LRFN5: variants seen among roughly 807,000 people sequenced by gnomAD.
The protein encoded by LRFN5 is leucine-rich repeat and fibronectin type-III domain-containing protein 5.
In LRFN5, 24 loss-of-function variants were observed where a neutral mutation model predicts 45.6. The observed-to-expected ratio is 0.53, with a 90% CI of 0.38 to 0.74. The LOEUF (loss-of-function observed/expected upper bound fraction) is 0.74. LRFN5 is among the 30% of genes least tolerant of loss of function. The pLI is 0.00. For missense variants in LRFN5, 776 were observed against 861.5 expected (o/e 0.90, Z 1.24); for synonymous variants, 340 against 313.8 (o/e 1.08, Z -0.88).
At chr14:41,709,547 T>C (rs1883201865) in intron 1 of LRFN5, among the ~76,000 whole-genome samples, 1 of 152,090 alleles carries the variant, frequency 6.6e-6, no homozygotes, top group Non-Finnish European at 1.5e-5. Flanking sequence ...TAGTCATATT[T>C]TAAGCCTATT....
At chr14:41,774,598 T>C (rs1272515372) in intron 2 of LRFN5, among the ~76,000 whole-genome samples, 2 of 152,288 alleles carry the variant, frequency 1.3e-5, no homozygotes, top group East Asian at 3.9e-4. Flanking sequence ...ACAAATTGTA[T>C]GGAAAAAACA....
At chr14:41,899,507 G>A (rs769422285) in intron 5 of LRFN5, among the ~76,000 whole-genome samples, 4 of 152,036 alleles carry the variant, frequency 2.6e-5, no homozygotes, top group Non-Finnish European at 5.9e-5. Context: ...TTCTTGAGTG[G>A]TTTTTTTAGG....
intron 2 of LRFN5, among the ~76,000 whole-genome samples, chr14:41,853,097 T>C (rs1889328987): frequency 6.6e-6 from 1 of 152,032 alleles, no homozygotes; most frequent in South Asian, 2.1e-4. Flanking sequence ...TTTATAAAGC[T>C]ATTATCACAG....
rs1890634885 is a variant in LRFN5 at position 41,887,882 on chromosome 14, T to C, written c.1257T>C (p.Asp419=). ...ATGGTGATACTAAATTGAGTCAAGA[T>C]AAAATTGTGGTGGCAGAAGCTACAT... ...SSNGDTKLSQ[D]KIVVAEATSS... The change falls in exon 3 of 6, where the codon GAT becomes GAC. Residue 419 remains aspartate, a synonymous_variant. Transcript: ENST00000298119. This position sits in a 1 kb window ranked among gnomAD's most constrained non-coding sequence, Gnocchi z 4.8. 1.2e-6 allele frequency: 2 copies of C among 1,614,110 alleles called. No homozygotes were observed. Among genetic ancestry groups the C allele is most frequent in the East Asian group, 4.5e-5 (2 of 44,840 alleles).
chr14:41,772,980 C>A (rs1406275712), intron 2 of LRFN5, among the ~76,000 whole-genome samples: 1 of 152,114 alleles, frequency 6.6e-6, no homozygotes, highest in East Asian at 1.9e-4. Context: ...ATTTACAATA[C>A]CCAGCGATGT....
intron 1 of LRFN5, among the ~76,000 whole-genome samples, chr14:41,753,350 C>G (rs1260573562): frequency 2.0e-5 from 3 of 152,140 alleles, no homozygotes; most frequent in Non-Finnish European, 4.4e-5. Flanking sequence ...TATAAATTAC[C>G]TTGGGCAGTA....
chr14:41,795,436 C>G (rs1887085715), intron 2 of LRFN5, among the ~76,000 whole-genome samples: 1 of 152,052 alleles, frequency 6.6e-6, no homozygotes, highest in South Asian at 2.1e-4. Flanking sequence ...GGTATATACC[C>G]AAAGGATTAT....
At chr14:41,785,766 A>G (rs1886697383) in intron 2 of LRFN5, among the ~76,000 whole-genome samples, 1 of 152,176 alleles carries the variant, frequency 6.6e-6, no homozygotes, top group Non-Finnish European at 1.5e-5. Context: ...GATGGGAGAC[A>G]GTGACAGATC....
At chr14:41,725,158 T>A (rs1418704590) in intron 1 of LRFN5, among the ~76,000 whole-genome samples, 3 of 152,180 alleles carry the variant, frequency 2.0e-5, no homozygotes, top group Admixed American at 2.0e-4. Context: ...TATTACTACT[T>A]TAACAAGGTG....
chr14:41,868,092 C>T (rs1889899375), intron 2 of LRFN5, among the ~76,000 whole-genome samples: 1 of 152,050 alleles, frequency 6.6e-6, no homozygotes, highest in African/African-American at 2.4e-5. Context: ...TTTTTAATCA[C>T]ATTCCTCTGT....
At chr14:41,775,376 C>A (rs1450953895) in intron 2 of LRFN5, among the ~76,000 whole-genome samples, 1 of 152,022 alleles carries the variant, frequency 6.6e-6, no homozygotes, top group Non-Finnish European at 1.5e-5. Context: ...GGCAAGCCAC[C>A]GCACCCGGCA....
chr14:41,888,166 A>C (rs1890646826), intron 3 of LRFN5, among the ~76,000 whole-genome samples, 156 bp downstream of exon 3: 1 of 152,262 alleles, frequency 6.6e-6, no homozygotes, highest in South Asian at 2.1e-4. Flanking sequence ...TGGTAATACA[A>C]GTGGGGAGAT....
intron 4 of LRFN5, chr14:41,894,400 T>C (rs1429098473): frequency 1.2e-6 from 1 of 862,898 alleles, no homozygotes; most frequent in Non-Finnish European, 1.4e-6. Flanking sequence ...TTGAAAATAA[T>C]TTAATGTGAT....
chr14:41,890,246 G>C (rs1431855266), intron 3 of LRFN5, among the ~76,000 whole-genome samples: 1 of 152,086 alleles, frequency 6.6e-6, no homozygotes, highest in Non-Finnish European at 1.5e-5. Context: ...GGAAATTTGC[G>C]GTAGCATACA....
intron 2 of LRFN5, among the ~76,000 whole-genome samples, chr14:41,786,784 T>C (rs1039356891): frequency 6.6e-6 from 1 of 152,052 alleles, no homozygotes; most frequent in Non-Finnish European, 1.5e-5. Flanking sequence ...TGATGCACGA[T>C]ACCTTTTTAT....
intron 2 of LRFN5, among the ~76,000 whole-genome samples, chr14:41,871,251 G>T (rs541466926): frequency 6.6e-6 from 1 of 150,964 alleles, no homozygotes; most frequent in South Asian, 2.1e-4. Flanking sequence ...CAAATCAAAA[G>T]TAATTATTAT....
intron 1 of LRFN5, among the ~76,000 whole-genome samples, chr14:41,618,054 A>G (rs1485710729): frequency 2.6e-5 from 4 of 152,144 alleles, no homozygotes; most frequent in African/African-American, 9.7e-5. Flanking sequence ...AGAGGGTGGA[A>G]AAGAAGGCAC....
intron 2 of LRFN5, among the ~76,000 whole-genome samples, chr14:41,830,600 A>C (rs1368084249): frequency 6.6e-6 from 1 of 152,178 alleles, no homozygotes; most frequent in Non-Finnish European, 1.5e-5. Context: ...ATTATAGGAG[A>C]TGAAGTCCAG....
intron 2 of LRFN5, among the ~76,000 whole-genome samples, chr14:41,826,947 A>G (rs1321633355): frequency 1.3e-5 from 2 of 152,210 alleles, no homozygotes; most frequent in Non-Finnish European, 2.9e-5. Flanking sequence ...TTTGATTCAC[A>G]AAATAAGTAA....
Sources: gnomAD v4.1 joint callset for allele counts (sites outside exome capture counted in the v4.1 genomes callset) on GRCh38, gnomAD v4.1.1 for gene constraint, Gnocchi (gnomAD v3.1) non-coding constraint, MANE v1.5 for transcripts, NCBI Gene and HGNC (gene_info 2026-07-23, HGNC 2026-07-21) for gene names.